The following PTGER3 variants were observed in gnomAD, a reference collection of about 807,000 sequenced individuals.
PTGER3 encodes prostaglandin E receptor 3.
Under a neutral mutation model 34.7 loss-of-function variants are expected in PTGER3, and 22 were observed. The observed-to-expected ratio is 0.63, with a 90% CI of 0.45 to 0.91. PTGER3 has a LOEUF of 0.91. Among genes scored for constraint, PTGER3 ranks in the 40% least tolerant of loss-of-function variants. The pLI is 0.00. For synonymous variants in PTGER3, 241 were observed against 230.1 expected (o/e 1.05, Z -0.43); for missense variants, 468 against 519.4 (o/e 0.90, Z 0.96).
At position 71,046,687 on chromosome 1, in the gene PTGER3, C is replaced by G; in HGVS notation, c.891G>C (p.Pro297=). 2 of 1,557,260 alleles carry G rather than the reference C, an allele frequency of 1.3e-6. No homozygotes were observed. Among genetic ancestry groups the G allele is most frequent in the Non-Finnish European group, 1.7e-6 (2 of 1,151,752 alleles). ...CAACCCTGGAACTACCTACCAGGAG[C>G]GGAGACCAGCAGACCGACAGCACGC... ...IMCVLSVCWS[P]LLIMMLKMIF... is the part of the protein sequence containing the mutation. Residue 297 remains proline (P), a synonymous_variant, in exon 1 of 4, where the codon CCG becomes CCC. Transcript: ENST00000306666.
At chr1:70,957,484 T>C (rs891297676) in intron 2 of PTGER3, among the ~76,000 whole-genome samples, 5 of 152,194 alleles carry the variant, frequency 3.3e-5, no homozygotes, top group Non-Finnish European at 5.9e-5. Context: ...TATTTATTTT[T>C]TTGCAGGGAA....
intron 2 of PTGER3, among the ~76,000 whole-genome samples, chr1:70,985,911 CA>C (rs1439601734): frequency 1.3e-5 from 2 of 152,140 alleles, no homozygotes; most frequent in Non-Finnish European, 2.9e-5. Flanking sequence ...TGAACCAGAG[CA>C]ACTCTGAAAT....
intron 2 of PTGER3, among the ~76,000 whole-genome samples, chr1:70,996,889 C>G (rs1255126468): frequency 3.3e-5 from 5 of 152,094 alleles, no homozygotes; most frequent in African/African-American, 7.2e-5. Flanking sequence ...GTCTCGATCT[C>G]CTGACCTCGT....
intron 2 of PTGER3, chr1:71,008,858 G>A: frequency 2.1e-6 from 2 of 961,390 alleles, no homozygotes; most frequent in Non-Finnish European, 2.5e-6. Context: ...CTTTTTATGT[G>A]TTTGTAATAA....
At chr1:71,015,839 T>C (rs535153948) in intron 1 of PTGER3, among the ~76,000 whole-genome samples, 1 of 152,354 alleles carries the variant, frequency 6.6e-6, no homozygotes, top group South Asian at 2.1e-4. Flanking sequence ...TTTGTCTTAT[T>C]TAGTCACAGT....
chr1:70,908,583 C>T (rs973247924), intron 4 of PTGER3, among the ~76,000 whole-genome samples: 3 of 152,150 alleles, frequency 2.0e-5, no homozygotes, highest in Non-Finnish European at 4.4e-5. Context: ...TTTCCCATTC[C>T]CCTGTTGGAC....
intron 2 of PTGER3, among the ~76,000 whole-genome samples, chr1:71,004,822 T>C (rs760883760): frequency 1.3e-5 from 2 of 152,230 alleles, no homozygotes; most frequent in South Asian, 2.1e-4. Context: ...CCTGTGGTGA[T>C]CCAGGCATTG....
intron 4 of PTGER3, among the ~76,000 whole-genome samples, chr1:70,875,039 C>T (rs1255596980): frequency 1.3e-5 from 2 of 152,168 alleles, no homozygotes; most frequent in Non-Finnish European, 2.9e-5. Context: ...CAACTATTAG[C>T]CTAGGGGGAA....
chr1:70,980,857 T>C (rs1431610372), intron 2 of PTGER3, among the ~76,000 whole-genome samples: 1 of 152,074 alleles, frequency 6.6e-6, no homozygotes, highest in African/African-American at 2.4e-5. Context: ...GTGCAAAGAT[T>C]CTGTACATTT....
Position 70,855,085 on chromosome 1 carries a change from C to T in PTGER3, c.*24-2226G>A, listed in dbSNP as rs556995758. ...TGAAAGCAACCCAAATGTCCACTGA[C>T]ATATAAATGGATACAGAGAATGGAG... On this transcript the variant is annotated intron_variant, in intron 4 of 4. Transcript: ENST00000370931. 5.9e-5 allele frequency among the ~76,000 whole-genome samples: 9 copies of T among 152,178 alleles called. No individual in the cohort carries two copies. The East Asian group carries it at 1.7e-3, about 29-fold the overall frequency.
downstream of PTGER3, among the ~76,000 whole-genome samples, chr1:70,969,172 A>G (rs1271665234): frequency 1.3e-5 from 2 of 152,138 alleles, no homozygotes. Flanking sequence ...GCACCATTGC[A>G]CTCCAGCCTG....
intron 2 of PTGER3, among the ~76,000 whole-genome samples, chr1:70,991,513 A>C (rs4650096): frequency 0.015 from 2,291 of 152,282 alleles, 25 homozygotes; most frequent in South Asian, 0.027. Flanking sequence ...GGGAGTGAGC[A>C]CAAGGAGACC....
At chr1:70,909,802 GA>G (rs1647025306) in intron 4 of PTGER3, among the ~76,000 whole-genome samples, 1 of 152,150 alleles carries the variant, frequency 6.6e-6, no homozygotes, top group Non-Finnish European at 1.5e-5. Context: ...TACAAGAAAG[GA>G]AAAGAAAAAT....
chr1:71,020,067 A>G (rs1185943692), intron 1 of PTGER3, among the ~76,000 whole-genome samples: 1 of 152,202 alleles, frequency 6.6e-6, no homozygotes, highest in African/African-American at 2.4e-5. Context: ...GGCCCTTTAA[A>G]CTAGTTAATT....
intron 4 of PTGER3, among the ~76,000 whole-genome samples, chr1:70,918,433 C>T (rs964637802): frequency 2.0e-5 from 3 of 151,978 alleles, no homozygotes; most frequent in South Asian, 2.1e-4. Flanking sequence ...AGCTTCTTCA[C>T]AGTCAAGGAA....
chr1:70,917,493 A>G (rs547966050), intron 4 of PTGER3, among the ~76,000 whole-genome samples: 10 of 149,366 alleles, frequency 6.7e-5, no homozygotes, highest in African/African-American at 2.2e-4. Flanking sequence ...TATCTTGGCT[A>G]TTGTGAATAG....
chr1:70,865,646 G>C (rs568692412), intron 4 of PTGER3: 6 of 1,355,414 alleles, frequency 4.4e-6, no homozygotes, highest in Non-Finnish European at 5.9e-6. Flanking sequence ...CTGACTTCCT[G>C]GGTAAAAAGT....
intron 1 of PTGER3, among the ~76,000 whole-genome samples, chr1:71,033,423 C>T (rs1036821978): frequency 4.6e-5 from 7 of 152,188 alleles, no homozygotes; most frequent in Admixed American, 2.0e-4. Context: ...AAGGATGCTT[C>T]AGGCTTTATT....
intron 2 of PTGER3, among the ~76,000 whole-genome samples, chr1:70,975,592 C>T (rs1653610416): frequency 6.6e-6 from 1 of 152,070 alleles, no homozygotes; most frequent in Middle Eastern, 3.2e-3. Context: ...GCAGTCCAGA[C>T]AGACATATAG....
Sources: allele counts gnomAD v4.1 joint callset (sites outside exome capture counted in the v4.1 genomes callset), GRCh38; gene constraint gnomAD v4.1.1; transcripts MANE v1.5; gene names NCBI Gene and HGNC (gene_info 2026-07-23, HGNC 2026-07-21).